The following PDZRN3 variants were observed in gnomAD, a reference collection of about 807,000 sequenced individuals.
The protein encoded by PDZRN3 is E3 ubiquitin-protein ligase PDZRN3.
Under a neutral mutation model 85.7 loss-of-function variants are expected in PDZRN3, and 38 were observed. That is an observed-to-expected ratio of 0.44 (90% CI 0.34 to 0.58). The LOEUF (loss-of-function observed/expected upper bound fraction) is 0.58. PDZRN3 is among the 20% of genes least tolerant of loss of function. PDZRN3 has a pLI of 0.01. For synonymous variants in PDZRN3, 759 were observed against 638.0 expected (o/e 1.19, Z -2.86); for missense variants, 1,629 against 1,506.4 (o/e 1.08, Z -1.35).
chr3:73,528,265 G>C (rs918381490), intron 3 of PDZRN3, among the ~76,000 whole-genome samples: 13 of 152,208 alleles, frequency 8.5e-5, no homozygotes, highest in African/African-American at 3.1e-4. Context: ...TGCCAGGAAG[G>C]CTGACTATCT....
Position 73,389,950 on chromosome 3 carries a change from C to T in PDZRN3, c.1354-72G>A, listed in dbSNP as rs541956910. On this transcript the variant is annotated intron_variant, in intron 6 of 9. Transcript: ENST00000263666. Reference sequence around the variant, plus strand: ...AAATAAGCAACAGCACTTTCAAAACCATTTCTAAAACACAGTCATGCTCAC... The same window carrying T: ...AAATAAGCAACAGCACTTTCAAAACTATTTCTAAAACACAGTCATGCTCAC... 9.2e-6 allele frequency: 10 copies of T among 1,089,076 alleles called. No individual in the cohort carries two copies. The East Asian group carries it at 1.9e-4, about 21-fold the overall frequency. The allele number at this position is 1,089,076 out of a possible 1,614,324, so 67.5% of individuals were successfully genotyped here. A position where few individuals can be genotyped will look rare whatever the true frequency, so the allele number is the denominator to read the frequency against.
At chr3:73,602,300 C>G in intron 3 of PDZRN3, 54 bp downstream of exon 3, 1 of 970,240 alleles carries the variant, frequency 1.0e-6, no homozygotes, top group Non-Finnish European at 1.7e-6. Flanking sequence ...TTGAGCTAGA[C>G]GAAGATGGGA....
At chr3:73,614,039 A>G (rs1356526895) in intron 1 of PDZRN3, among the ~76,000 whole-genome samples, 1 of 152,156 alleles carries the variant, frequency 6.6e-6, no homozygotes, top group African/African-American at 2.4e-5. Context: ...ATGCAAGCTC[A>G]CTTTTCAAGA....
chr3:73,502,362 C>T (rs759427797), intron 3 of PDZRN3, among the ~76,000 whole-genome samples: 9 of 152,066 alleles, frequency 5.9e-5, no homozygotes, highest in South Asian at 2.1e-4. Context: ...AAAAAGATTC[C>T]ATTTCCATAA....
intron 3 of PDZRN3, among the ~76,000 whole-genome samples, chr3:73,563,023 T>A (rs1352792644): frequency 1.5e-3 from 80 of 54,198 alleles, no homozygotes; most frequent in East Asian, 6.2e-3. Flanking sequence ...ATTTTTTTTT[T>A]TTTTTTTTTT....
intron 3 of PDZRN3, among the ~76,000 whole-genome samples, chr3:73,511,084 G>A (rs1005145651): frequency 2.6e-5 from 4 of 152,144 alleles, no homozygotes; most frequent in Non-Finnish European, 5.9e-5. Context: ...AACACTGAAG[G>A]CAGAGGCGGC....
chr3:73,425,080 T>A (rs972579600), intron 3 of PDZRN3, among the ~76,000 whole-genome samples: 26 of 151,620 alleles, frequency 1.7e-4, no homozygotes, highest in African/African-American at 6.1e-4. Flanking sequence ...AGTGGTATGA[T>A]CTCGGCTCAC....
At chr3:73,535,500 G>A (rs1334175722) in intron 3 of PDZRN3, among the ~76,000 whole-genome samples, 7 of 152,296 alleles carry the variant, frequency 4.6e-5, no homozygotes, top group African/African-American at 1.4e-4. Context: ...GCCAAGCCAT[G>A]GGCTATCAGT....
At position 73,608,621 on chromosome 3, in the gene PDZRN3, T is replaced by C. The variant is rs1702638406; in HGVS notation, c.787A>G (p.Ile263Val). The change falls in exon 2 of 10, where the codon ATT (isoleucine) becomes GTT (valine). Residue 263 changes from isoleucine (I) to valine (V), a missense_variant. Ile to Val is a conservative substitution (Grantham distance 29, BLOSUM62 3). Transcript: ENST00000263666. ...ACCACACTCGGCCGGCCACCAATAA[T>C]ATTGAATCCCAGGGAGCCGGAGTCC... The part of the protein sequence containing the change: ...HRDSGSLGFN[I>V]IGGRPSVDNH... 2 of 1,611,492 alleles carry C rather than the reference T, an allele frequency of 1.2e-6. No individual in the cohort carries two copies. The highest frequency in any genetic ancestry group is 1.7e-6 in the Non-Finnish European group (2 of 1,178,126).
At chr3:73,388,282 A>G (rs1701441813) in intron 7 of PDZRN3, 1 of 417,362 alleles carries the variant, frequency 2.4e-6, no homozygotes, top group African/African-American at 2.0e-5. Context: ...GGGAGCCTCC[A>G]TGAGTATAGT....
chr3:73,413,115 T>C (rs1276786299), intron 3 of PDZRN3, among the ~76,000 whole-genome samples: 2 of 152,242 alleles, frequency 1.3e-5, no homozygotes, highest in African/African-American at 2.4e-5. Flanking sequence ...GCTGTTGTTA[T>C]AACTGTCACA....
At chr3:73,594,705 T>TCACC (rs113119174) in intron 3 of PDZRN3, among the ~76,000 whole-genome samples, 66,296 of 151,458 alleles carry the variant, frequency 0.44, 15,216 homozygotes, top group East Asian at 0.54. Flanking sequence ...CAGAGAAGTC[T>TCACC]TACCTGTGTT....
intron 3 of PDZRN3, among the ~76,000 whole-genome samples, chr3:73,567,389 T>TA (rs1255005581): frequency 1.3e-5 from 2 of 152,136 alleles, no homozygotes; most frequent in African/African-American, 4.8e-5. Flanking sequence ...AATCTGTTTT[T>TA]AAAAAAATGC....
At chr3:73,419,850 T>A (rs947045157) in intron 3 of PDZRN3, among the ~76,000 whole-genome samples, 1 of 152,248 alleles carries the variant, frequency 6.6e-6, no homozygotes, top group African/African-American at 2.4e-5. Context: ...TATATGTTTT[T>A]AAATGTGTAA....
intron 8 of PDZRN3, among the ~76,000 whole-genome samples, chr3:73,386,881 A>T (rs900884084): frequency 4.6e-5 from 7 of 152,008 alleles, no homozygotes; most frequent in Non-Finnish European, 5.9e-5. Context: ...ATCGGGTTTC[A>T]TACTGATATG....
intron 3 of PDZRN3, among the ~76,000 whole-genome samples, chr3:73,590,025 T>C (rs1182420262): frequency 6.6e-6 from 1 of 151,894 alleles, no homozygotes; most frequent in Admixed American, 6.6e-5. Flanking sequence ...TCCCAACACT[T>C]TGGGAGGCCA....
intron 3 of PDZRN3, among the ~76,000 whole-genome samples, chr3:73,442,250 G>A (rs963856814): frequency 1.3e-5 from 2 of 152,204 alleles, no homozygotes; most frequent in African/African-American, 4.8e-5. Context: ...CAATGGAGAT[G>A]CATGGTGAAC....
At chr3:73,621,433 A>G (rs564940180) in intron 1 of PDZRN3, among the ~76,000 whole-genome samples, 32 of 152,350 alleles carry the variant, frequency 2.1e-4, no homozygotes, top group African/African-American at 7.5e-4. Flanking sequence ...GTTGCACATG[A>G]GAGTTTCCAG....
intron 3 of PDZRN3, among the ~76,000 whole-genome samples, chr3:73,594,244 T>A (rs1702401497): frequency 6.6e-6 from 1 of 152,186 alleles, no homozygotes; most frequent in African/African-American, 2.4e-5. Flanking sequence ...TGTTTTTAAT[T>A]GGTCATCTTG....
Sources: gnomAD v4.1 joint callset for allele counts (sites outside exome capture counted in the v4.1 genomes callset) on GRCh38, gnomAD v4.1.1 for gene constraint, MANE v1.5 for transcripts, NCBI Gene and HGNC (gene_info 2026-07-23, HGNC 2026-07-21) for gene names.